Variants in RMDN1 observed in about 807,000 individuals in gnomAD.
RMDN1 encodes the protein regulator of microtubule dynamics 1.
A neutral mutation model predicts 48.9 loss-of-function variants in RMDN1; 48 were observed. The ratio of observed to expected loss-of-function variants is 0.98; its 90% confidence interval spans 0.78 to 1.25. The LOEUF is 1.25. Among genes scored for constraint, RMDN1 ranks in the 50% most tolerant of loss-of-function variants. The pLI is 0.00. For synonymous variants in RMDN1, 148 were observed against 132.6 expected (o/e 1.12, Z -0.80); for missense variants, 418 against 373.4 (o/e 1.12, Z -0.98).
chr8:86,488,462 T>C, intron 3 of RMDN1, 90 bp downstream of exon 3: 2 of 618,866 alleles, frequency 3.2e-6, no homozygotes, highest in Non-Finnish European at 5.4e-6. Flanking sequence ...AATCAATTTT[T>C]AAAACCTCAA....
At position 86,478,637 on chromosome 8, in the gene RMDN1, T is replaced by A. The variant is rs1429182847; in HGVS notation, c.729+286A>T. 7 of 374,382 alleles carry A rather than the reference T, an allele frequency of 1.9e-5. No homozygotes were observed. The Admixed American group carries it at 2.7e-4, about 15-fold the overall frequency. The allele number at this position is 374,382 out of a possible 1,614,324, so 23.2% of individuals were successfully genotyped here. Reference sequence around the variant, plus strand: ...GTATTTCTTGTTCTATTTTATGACTTCAATATAGTTTAGATTTCAAACAGA... The same window carrying A: ...GTATTTCTTGTTCTATTTTATGACTACAATATAGTTTAGATTTCAAACAGA... On this transcript the variant is annotated intron_variant, in intron 7 of 9. Coordinates refer to ENST00000406452, the MANE Select transcript of RMDN1 (RefSeq NM_016033.3).
At chr8:86,504,094 G>T in intron 2 of RMDN1, 1 of 1,017,614 alleles carries the variant, frequency 9.8e-7, no homozygotes, top group Non-Finnish European at 1.6e-6. Context: ...CCAGATCTTT[G>T]GTCTGGAATT....
At chr8:86,470,351 G>A (rs543986113), downstream of RMDN1, 4 of 1,289,248 alleles carry the variant, frequency 3.1e-6, no homozygotes, top group Non-Finnish European at 3.0e-6. Flanking sequence ...TCTCAGTAAT[G>A]GGTCTCACCC....
chr8:86,474,754 G>A (rs1317109060), intron 9 of RMDN1, 66 bp downstream of exon 9: 1 of 1,435,734 alleles, frequency 7.0e-7, no homozygotes, highest in African/African-American at 1.4e-5. Context: ...TTTTAAAGAA[G>A]TTCTTAATTC....
chr8:86,477,597 G>A, intron 7 of RMDN1: 1 of 324,604 alleles, frequency 3.1e-6, no homozygotes, highest in Non-Finnish European at 5.6e-6. Context: ...AGAAAGGAAA[G>A]AACATTATCA....
intron 2 of RMDN1, among the ~76,000 whole-genome samples, chr8:86,499,885 A>C (rs2131151916): frequency 6.6e-6 from 1 of 152,300 alleles, no homozygotes; most frequent in East Asian, 1.9e-4. Context: ...ATAAAGCTGC[A>C]CATCTACAAC....
rs1345291125 is a variant in RMDN1 at position 86,474,964 on chromosome 8, G to A, written c.761-11C>T. ...AGAAGTTTGGATCCACTGCACATAAGAAAGAAAAAATGATCTCAGAGGAAA... is the reference window on the plus strand; with the variant it reads ...AGAAGTTTGGATCCACTGCACATAAAAAAGAAAAAATGATCTCAGAGGAAA... On this transcript the variant is annotated splice_polypyrimidine_tract_variant and intron_variant, in intron 8 of 9. Coordinates refer to ENST00000406452, the MANE Select transcript of RMDN1 (RefSeq NM_016033.3). The A allele has an allele frequency of 3.8e-6, 6 of 1,578,682 alleles. No individual in the cohort carries two copies. In the Admixed American group the frequency reaches 6.1e-5, roughly 16 times the overall value.
chr8:86,470,433 C>G (rs889146210), downstream of RMDN1: 3 of 1,261,258 alleles, frequency 2.4e-6, no homozygotes, highest in Admixed American at 5.0e-5. Flanking sequence ...ATGGAAGAGA[C>G]TTAGTGCACA....
chr8:86,492,827 T>C (rs1586702449), intron 2 of RMDN1, among the ~76,000 whole-genome samples: 1 of 152,136 alleles, frequency 6.6e-6, no homozygotes, highest in South Asian at 2.1e-4. Context: ...ATGTCAATGA[T>C]ATTTATGCCC....
chr8:86,510,716 A>T (rs1820012493), upstream of RMDN1, among the ~76,000 whole-genome samples: 1 of 152,216 alleles, frequency 6.6e-6, no homozygotes, highest in Non-Finnish European at 1.5e-5. Flanking sequence ...GTTTTAAGCC[A>T]CTAAATTTGA....
chr8:86,511,395 A>G (rs1486180210), upstream of RMDN1, among the ~76,000 whole-genome samples: 2 of 151,686 alleles, frequency 1.3e-5, no homozygotes, highest in Admixed American at 1.3e-4. Context: ...AATGGCGTGA[A>G]CCCAGGAAGT....
At chr8:86,486,121 G>A (rs552557382) in intron 4 of RMDN1, among the ~76,000 whole-genome samples, 28 of 152,072 alleles carry the variant, frequency 1.8e-4, no homozygotes, top group Non-Finnish European at 3.7e-4. Context: ...GAAATATAAC[G>A]TAAGGAAAAT....
upstream of RMDN1, among the ~76,000 whole-genome samples, chr8:86,509,864 C>A (rs1386855721): frequency 6.6e-6 from 1 of 152,166 alleles, no homozygotes; most frequent in Non-Finnish European, 1.5e-5. Context: ...TCCTTCCCAA[C>A]TTCTGAAACC....
At chr8:86,474,626 C>T (rs750232877) in intron 9 of RMDN1, 194 bp downstream of exon 9, 1 of 735,790 alleles carries the variant, frequency 1.4e-6, no homozygotes, top group Non-Finnish European at 2.4e-6. Flanking sequence ...CAACCCGTAA[C>T]ATCCACCTGG....
In RMDN1 at chr8:86,508,387, C is replaced by T. The variant is rs1008471773; in HGVS notation, c.129+105G>A. 4 of 1,290,292 alleles carry T rather than the reference C, an allele frequency of 3.1e-6. No homozygotes were observed. In the African/African-American group the frequency reaches 6.1e-5, roughly 20 times the overall value. 79.9% of individuals were successfully genotyped at this position (1,290,292 alleles called of 1,614,324 possible). Reference sequence around the variant, plus strand: ...GTGGCCCCGAGTTCTTTCCTCGGTTCACCACATTCCTTAGGCAGCGCGGGG... The same window carrying T: ...GTGGCCCCGAGTTCTTTCCTCGGTTTACCACATTCCTTAGGCAGCGCGGGG... On this transcript the variant is annotated intron_variant, in intron 1 of 9. Transcript: ENST00000406452.
upstream of RMDN1, among the ~76,000 whole-genome samples, chr8:86,509,519 TG>T (rs1243661988): frequency 2.0e-5 from 3 of 152,140 alleles, no homozygotes; most frequent in Non-Finnish European, 4.4e-5. Flanking sequence ...AAAAATCTTA[TG>T]GGTAATAAGG....
At chr8:86,494,844 C>T in intron 2 of RMDN1, 1 of 341,568 alleles carries the variant, frequency 2.9e-6, no homozygotes, top group Non-Finnish European at 5.7e-6. Flanking sequence ...CATCATGGCA[C>T]ATGCCTGTAA....
At chr8:86,489,614 C>G (rs531203563) in intron 2 of RMDN1, among the ~76,000 whole-genome samples, 43 of 151,980 alleles carry the variant, frequency 2.8e-4, no homozygotes, top group African/African-American at 1.0e-3. Context: ...GGAGGACCAC[C>G]ACGTCAGGAG....
At chr8:86,496,150 G>A (rs1228700572) in intron 2 of RMDN1, among the ~76,000 whole-genome samples, 1 of 152,200 alleles carries the variant, frequency 6.6e-6, no homozygotes, top group South Asian at 2.1e-4. Context: ...GGTCCTTAAA[G>A]GAGTGCTAAA....
Sources: gnomAD v4.1 joint callset for allele counts (sites outside exome capture counted in the v4.1 genomes callset) on GRCh38, gnomAD v4.1.1 for gene constraint, MANE v1.5 for transcripts, NCBI Gene and HGNC (gene_info 2026-07-23, HGNC 2026-07-21) for gene names.